Variants in SLC24A3 observed in about 807,000 individuals in gnomAD.
SLC24A3 encodes the protein solute carrier family 24 member 3, also known as sodium/potassium/calcium exchanger 3.
Under a neutral mutation model 75.8 loss-of-function variants are expected in SLC24A3, and 28 were observed. The observed-to-expected ratio is 0.37, with a 90% CI of 0.27 to 0.51. The LOEUF (loss-of-function observed/expected upper bound fraction) is 0.51, where lower values mean the gene tolerates loss of function less well. SLC24A3 is among the 20% of genes least tolerant of loss of function. SLC24A3 has a pLI of 0.94. For synonymous variants in SLC24A3, 372 were observed against 334.1 expected (o/e 1.11, Z -1.24); for missense variants, 663 against 847.8 (o/e 0.78, Z 2.71).
chr20:19,502,236 G>A (rs1988394963), intron 2 of SLC24A3, among the ~76,000 whole-genome samples: 1 of 152,060 alleles, frequency 6.6e-6, no homozygotes, highest in Non-Finnish European at 1.5e-5. Flanking sequence ...GCTGAAAATT[G>A]GGGGAAATCT....
chr20:19,529,686 A>G (rs1308671379), intron 3 of SLC24A3, among the ~76,000 whole-genome samples: 1 of 152,174 alleles, frequency 6.6e-6, no homozygotes. Context: ...CTTGGGCCTC[A>G]GACCTTCCTC....
chr20:19,611,573 T>C (rs2031671914), intron 6 of SLC24A3, among the ~76,000 whole-genome samples: 2 of 152,204 alleles, frequency 1.3e-5, no homozygotes, highest in African/African-American at 2.4e-5. Context: ...CAAAGGCTTT[T>C]TTGACTTTCA....
At chr20:19,443,908 G>C (rs1987337153) in intron 2 of SLC24A3, among the ~76,000 whole-genome samples, 1 of 152,192 alleles carries the variant, frequency 6.6e-6, no homozygotes, top group African/African-American at 2.4e-5. Flanking sequence ...CCATAATGTG[G>C]AGAAAGACAG....
Position 19,567,877 on chromosome 20 carries a change from C to T in SLC24A3, c.349-12123C>T, listed in dbSNP as rs115789347. Among the ~76,000 whole-genome samples, 960 of 152,200 alleles carry T rather than the reference C, an allele frequency of 6.3e-3. 11 individuals carry two copies. Among genetic ancestry groups the T allele is most frequent in the African/African-American group, 0.022 (907 of 41,526 alleles). On this transcript the variant is annotated intron_variant, in intron 3 of 16. Coordinates refer to ENST00000328041, the MANE Select transcript of SLC24A3 (RefSeq NM_020689.4). ...AGAATGGGAGAAAATATTTGCAAAT[C>T]GTATATCTGATAAGGGGTTAATATC...
At chr20:19,477,898 G>A (rs1987988193) in intron 2 of SLC24A3, among the ~76,000 whole-genome samples, 1 of 152,162 alleles carries the variant, frequency 6.6e-6, no homozygotes, top group African/African-American at 2.4e-5. Flanking sequence ...TATTAGAAGT[G>A]AATGAAAGAA....
intron 2 of SLC24A3, among the ~76,000 whole-genome samples, chr20:19,505,817 C>G (rs1349156616): frequency 6.6e-6 from 1 of 152,170 alleles, no homozygotes; most frequent in African/African-American, 2.4e-5. Flanking sequence ...TTTCTCAGCT[C>G]TGGAGAAAGC....
chr20:19,538,994 G>T (rs2030449780), intron 3 of SLC24A3, among the ~76,000 whole-genome samples: 1 of 152,104 alleles, frequency 6.6e-6, no homozygotes, highest in Non-Finnish European at 1.5e-5. Flanking sequence ...TATTGAACCA[G>T]ACACAAAAAA....
intron 9 of SLC24A3, among the ~76,000 whole-genome samples, chr20:19,680,092 CTGTG>C (rs1160853163): frequency 2.0e-5 from 3 of 147,276 alleles, no homozygotes; most frequent in South Asian, 2.1e-4. Context: ...CTGTATGTGT[CTGTG>C]TGTGCGAGTG....
chr20:19,685,320 A>C lies in SLC24A3; in HGVS notation c.1283A>C (p.Glu428Ala). The change falls in exon 12 of 17, where the codon GAG becomes GCG. Residue 428 changes from glutamate to alanine, a missense_variant. Glu to Ala is a moderately radical substitution (Grantham distance 107). Around this residue, in one of 2 missense-constraint regions of SLC24A3, gnomAD observed 510 missense variants for 703.6 expected, o/e 0.72. Transcript: ENST00000328041. ...AATGATGAGGAGGAAGAGGAGGACG[A>C]GGATGATGATGAAGGACCGTACACA... ...NENDEEEEED[E>A]DDDEGPYTPF... 1 of 1,614,196 alleles carries C rather than the reference A, an allele frequency of 6.2e-7. No individual in the cohort carries two copies. Among genetic ancestry groups the C allele is most frequent in the Non-Finnish European group, 8.5e-7 (1 of 1,180,024 alleles).
chr20:19,434,489 C>T (rs1277969241), intron 2 of SLC24A3, among the ~76,000 whole-genome samples: 5 of 152,164 alleles, frequency 3.3e-5, no homozygotes, highest in African/African-American at 1.2e-4. Context: ...AAACAGAAAA[C>T]TTTATAGAAC....
At chr20:19,300,498 C>T (rs145500659) in intron 2 of SLC24A3, among the ~76,000 whole-genome samples, 2 of 152,302 alleles carry the variant, frequency 1.3e-5, no homozygotes, top group East Asian at 3.9e-4. Flanking sequence ...GCTAGTCACA[C>T]ACAGAACCAG....
intron 2 of SLC24A3, among the ~76,000 whole-genome samples, chr20:19,509,516 C>G (rs16980706): frequency 6.6e-6 from 1 of 152,300 alleles, no homozygotes; most frequent in South Asian, 2.1e-4. Context: ...CGCATACACT[C>G]TTTTCTTGGA....
intron 2 of SLC24A3, among the ~76,000 whole-genome samples, chr20:19,448,969 A>G (rs999577112): frequency 3.9e-5 from 6 of 152,228 alleles, no homozygotes; most frequent in Admixed American, 1.3e-4. Flanking sequence ...GCAGCCATTC[A>G]GCCCCTCCTG....
intron 2 of SLC24A3, among the ~76,000 whole-genome samples, chr20:19,286,260 T>A (rs757675923): frequency 6.6e-5 from 10 of 152,102 alleles, no homozygotes; most frequent in Non-Finnish European, 1.3e-4. Flanking sequence ...AACAGTTAAA[T>A]GTGAGCTGCA....
chr20:19,721,326 G>T lies in SLC24A3; in HGVS notation c.*186G>T, dbSNP rs2033103172. 3 of 631,968 alleles carry T rather than the reference G, an allele frequency of 4.7e-6. No individual in the cohort carries two copies. The highest frequency in any genetic ancestry group is 2.9e-5 in the East Asian group (1 of 34,106). 39.1% of individuals were successfully genotyped at this position (631,968 alleles called of 1,614,324 possible). ...CCATCCTCGCTCCCCCACCTCCTTG[G>T]GTCATGCCCACCCACCCTTTCCTGC... On this transcript the variant is annotated 3_prime_UTR_variant, in exon 17 of 17. Transcript: ENST00000328041.
At chr20:19,496,697 T>A (rs1359524658) in intron 2 of SLC24A3, among the ~76,000 whole-genome samples, 3 of 151,702 alleles carry the variant, frequency 2.0e-5, no homozygotes, top group African/African-American at 7.3e-5. Context: ...AGGTAGGAGG[T>A]CAAGAAGGGC....
chr20:19,458,851 C>A lies in SLC24A3; in HGVS notation c.272-56637C>A, dbSNP rs543298174. Reference sequence around the variant, plus strand: ...AGAATTGTATTTAATTCTGTGGAAGCAGCAGAAAAAGTGATTTTTTACTGT... The same window carrying A: ...AGAATTGTATTTAATTCTGTGGAAGAAGCAGAAAAAGTGATTTTTTACTGT... On this transcript the variant is annotated intron_variant, in intron 2 of 16. Coordinates refer to ENST00000328041, the MANE Select transcript of SLC24A3 (RefSeq NM_020689.4). Among the ~76,000 whole-genome samples the A allele has an allele frequency of 9.2e-5, 14 of 152,292 alleles. No homozygotes were observed. In the South Asian group the frequency reaches 2.9e-3, roughly 32 times the overall value.
chr20:19,474,202 C>A (rs1047056091), intron 2 of SLC24A3, among the ~76,000 whole-genome samples: 1 of 152,146 alleles, frequency 6.6e-6, no homozygotes, highest in Non-Finnish European at 1.5e-5. Flanking sequence ...GCAGCACCAG[C>A]CTGAAGCAAG....
At chr20:19,678,361 G>A (rs1390524825) in intron 9 of SLC24A3, among the ~76,000 whole-genome samples, 1 of 126,260 alleles carries the variant, frequency 7.9e-6, no homozygotes, top group Non-Finnish European at 1.7e-5. Flanking sequence ...CTCCCTCCCG[G>A]ACGGGGCGGC....
Sources: allele counts gnomAD v4.1 joint callset (sites outside exome capture counted in the v4.1 genomes callset), GRCh38; gene constraint gnomAD v4.1.1; regional missense constraint gnomAD v4.1.1; transcripts MANE v1.5; gene names NCBI Gene and HGNC (gene_info 2026-07-23, HGNC 2026-07-21).